The following LMO1 variants were observed in gnomAD, a reference collection of about 807,000 sequenced individuals.
LMO1 encodes LIM domain only 1.
LMO1 carries 10 observed loss-of-function variants against 18.0 expected under a neutral mutation model. The ratio of observed to expected loss-of-function variants is 0.55; its 90% confidence interval spans 0.34 to 0.94. The LOEUF (loss-of-function observed/expected upper bound fraction) is 0.94, where lower values mean the gene tolerates loss of function less well. LMO1 is among the 40% of genes least tolerant of loss of function. LMO1 has a pLI of 0.02. For synonymous variants in LMO1, 77 were observed against 77.9 expected (o/e 0.99, Z 0.06); for missense variants, 183 against 205.7 (o/e 0.89, Z 0.68).
intron 1 of LMO1, among the ~76,000 whole-genome samples, chr11:8,246,829 G>T (rs1358053113): frequency 6.6e-6 from 1 of 152,226 alleles, no homozygotes; most frequent in East Asian, 1.9e-4. Flanking sequence ...GCTAGAAGCT[G>T]CCAGGTGGGG....
chr11:8,230,504 C>A lies in LMO1; in HGVS notation c.26G>T (p.Gly9Val). The A allele has an allele frequency of 6.2e-7, 1 of 1,610,958 alleles. No individual in the cohort carries two copies. The highest frequency in any genetic ancestry group is 8.5e-7 in the Non-Finnish European group (1 of 1,179,842). Residue 9 changes from glycine to valine, a missense_variant and splice_region_variant, in exon 2 of 4, where the codon GGC becomes GTC. Coordinates refer to ENST00000335790, the MANE Select transcript of LMO1 (RefSeq NM_002315.3). ...GGGCTGGACGGAGAGCATCGGCACG[C>A]CTGCAGACGGACAGACAGACAGCAA... is the stretch of plus-strand genomic sequence containing the variant. MMVLDKEDGVPMLSVQPKG... is the reference protein window; with the variant it reads MMVLDKEDVVPMLSVQPKG...
In LMO1 at chr11:8,230,481, G is replaced by A. The variant is rs754674404; in HGVS notation, c.49C>T (p.Pro17Ser). 19 of 1,613,170 alleles carry A rather than the reference G, an allele frequency of 1.2e-5. No homozygotes were observed. Among genetic ancestry groups the A allele is most frequent in the Middle Eastern group, 1.7e-4 (1 of 6,060 alleles). ...GCACAGCCCTTCTGCTTCCCTTTGG[G>A]CTGGACGGAGAGCATCGGCACGCCT... Reference protein sequence around the residue: ...EDGVPMLSVQPKGKQKGCAGC... With the variant: ...EDGVPMLSVQSKGKQKGCAGC... The change falls in exon 2 of 4, where the codon CCC becomes TCC. Residue 17 changes from proline (P) to serine (S), a missense_variant. Transcript: ENST00000335790.
chr11:8,234,962 A>G (rs1590533334), intron 1 of LMO1, among the ~76,000 whole-genome samples: 1 of 152,152 alleles, frequency 6.6e-6, no homozygotes, highest in African/African-American at 2.4e-5. Context: ...TGCTCCAAGG[A>G]GCTGGGGGGC....
In LMO1 at chr11:8,245,673, G is replaced by A. The variant is rs563662175; in HGVS notation, c.26-15169C>T. ...CCTTCCGGAAGTTCGGACAACCAAG[G>A]ATGGCTTCTCTCCTAAACACTCATG... On this transcript the variant is annotated intron_variant, in intron 1 of 3. Coordinates refer to ENST00000335790, the MANE Select transcript of LMO1 (RefSeq NM_002315.3). 2.6e-5 allele frequency among the ~76,000 whole-genome samples: 4 copies of A among 152,284 alleles called. No homozygotes were observed. In the East Asian group the frequency reaches 7.7e-4, roughly 29 times the overall value.
At chr11:8,240,525 T>G (rs1590541047) in intron 1 of LMO1, among the ~76,000 whole-genome samples, 1 of 152,264 alleles carries the variant, frequency 6.6e-6, no homozygotes, top group South Asian at 2.1e-4. Flanking sequence ...GAAATTTATT[T>G]CTCACAGTTC....
At chr11:8,250,724 T>A (rs556515842) in intron 1 of LMO1, among the ~76,000 whole-genome samples, 45 of 152,254 alleles carry the variant, frequency 3.0e-4, no homozygotes, top group Non-Finnish European at 4.8e-4. Context: ...CGAGGCCCCA[T>A]GCCAGTCGGA....
At chr11:8,236,079 C>T (rs1012362463) in intron 1 of LMO1, among the ~76,000 whole-genome samples, 1 of 152,238 alleles carries the variant, frequency 6.6e-6, no homozygotes, top group South Asian at 2.1e-4. Flanking sequence ...GTCCAACAGG[C>T]TGTTCCAGTG....
At chr11:8,238,716 G>A (rs1181325417) in intron 1 of LMO1, among the ~76,000 whole-genome samples, 4 of 151,936 alleles carry the variant, frequency 2.6e-5, no homozygotes, top group Admixed American at 1.3e-4. Flanking sequence ...TTGGGGTGAG[G>A]TGGGGGACAT....
At chr11:8,226,421 G>A (rs1265396142) in intron 3 of LMO1, among the ~76,000 whole-genome samples, 1 of 152,176 alleles carries the variant, frequency 6.6e-6, no homozygotes, top group African/African-American at 2.4e-5. Context: ...GTTGAGGCAG[G>A]AGAATCACTT....
chr11:8,243,288 C>G (rs1398033751), intron 1 of LMO1, among the ~76,000 whole-genome samples: 6 of 152,204 alleles, frequency 3.9e-5, no homozygotes, highest in African/African-American at 4.8e-5. Context: ...CCTTCAGCCC[C>G]CCGCATGGCT....
At chr11:8,259,300 C>T (rs1372815449) in intron 1 of LMO1, among the ~76,000 whole-genome samples, 2 of 152,182 alleles carry the variant, frequency 1.3e-5, no homozygotes, top group African/African-American at 4.8e-5. Flanking sequence ...TGCTTCTTCA[C>T]CCAAGGCTCG....
chr11:8,249,097 C>A (rs533014747), intron 1 of LMO1, among the ~76,000 whole-genome samples: 5 of 152,340 alleles, frequency 3.3e-5, no homozygotes, highest in African/African-American at 1.2e-4. Flanking sequence ...GGGAGCTGAG[C>A]AGCTCCAGCC....
At chr11:8,225,336 C>T (rs1196310681) in intron 3 of LMO1, among the ~76,000 whole-genome samples, 4 of 126,466 alleles carry the variant, frequency 3.2e-5, no homozygotes, top group Admixed American at 2.1e-4. Flanking sequence ...ACCCAGGAGG[C>T]GGAAGTTGCA....
At chr11:8,235,833 T>C (rs779796971) in intron 1 of LMO1, among the ~76,000 whole-genome samples, 9 of 152,174 alleles carry the variant, frequency 5.9e-5, no homozygotes, top group Admixed American at 2.0e-4. Context: ...AGAACGGAGT[T>C]AATTTATGTG....
intron 2 of LMO1, among the ~76,000 whole-genome samples, chr11:8,227,851 T>C (rs1009902857): frequency 3.3e-5 from 5 of 152,196 alleles, no homozygotes; most frequent in African/African-American, 1.2e-4. Context: ...TTTTTAAAAA[T>C]AGAGATGGGG....
At chr11:8,260,584 AT>A (rs34722553) in intron 1 of LMO1, among the ~76,000 whole-genome samples, 76,571 of 151,414 alleles carry the variant, frequency 0.51, 20,310 homozygotes, top group Middle Eastern at 0.71. Context: ...GCAAAAAAAA[AT>A]TTTTTTTTTC....
intron 1 of LMO1, among the ~76,000 whole-genome samples, chr11:8,246,805 A>G (rs1434877744): frequency 2.6e-5 from 4 of 151,850 alleles, no homozygotes; most frequent in Non-Finnish European, 4.4e-5. Context: ...TAGCGGGGGA[A>G]ATAACCTGTG....
At chr11:8,235,169 C>T (rs1952740686) in intron 1 of LMO1, among the ~76,000 whole-genome samples, 1 of 152,218 alleles carries the variant, frequency 6.6e-6, no homozygotes, top group Admixed American at 6.5e-5. Context: ...CCTGCTCGGG[C>T]ACTTGCTTTC....
At position 8,233,059 on chromosome 11, in the gene LMO1, G is replaced by A. The variant is rs558760302; in HGVS notation, c.26-2555C>T. Among the ~76,000 whole-genome samples the A allele has an allele frequency of 2.3e-4, 35 of 152,334 alleles. No individual in the cohort carries two copies. In the Middle Eastern group the frequency reaches 0.01, roughly 44 times the overall value. ...CCGCAGGTCCCCCTCCCCACTGCCC[G>A]TGCCCAGGCTGGCCTCTGCACAGGC... is the stretch of plus-strand genomic sequence containing the variant. On this transcript the variant is annotated intron_variant, in intron 1 of 3. Coordinates refer to ENST00000335790, the MANE Select transcript of LMO1 (RefSeq NM_002315.3).
Sources: gnomAD v4.1 joint callset for allele counts (sites outside exome capture counted in the v4.1 genomes callset) on GRCh38, gnomAD v4.1.1 for gene constraint, MANE v1.5 for transcripts, NCBI Gene and HGNC (gene_info 2026-07-23, HGNC 2026-07-21) for gene names.